The following CCDC171 variants were observed in gnomAD, a reference collection of about 807,000 sequenced individuals.
CCDC171 encodes the protein coiled-coil domain containing 171, also known as coiled-coil domain-containing protein 171.
A neutral mutation model predicts 168.2 loss-of-function variants in CCDC171; 177 were observed. That is an observed-to-expected ratio of 1.05 (90% CI 0.93 to 1.19). CCDC171 has a LOEUF of 1.19. CCDC171 is among the 50% of genes most tolerant of loss of function. CCDC171 has a pLI of 0.00. For synonymous variants in CCDC171, 687 were observed against 540.8 expected (o/e 1.27, Z -3.75); for missense variants, 1,991 against 1,539.0 (o/e 1.29, Z -4.91).
At position 15,591,351 on chromosome 9, in the gene CCDC171, T is replaced by C; in HGVS notation, c.353-15T>C. 1 of 1,526,780 alleles carries C rather than the reference T, an allele frequency of 6.5e-7. No homozygotes were observed. The highest frequency in any genetic ancestry group is 8.9e-7 in the Non-Finnish European group (1 of 1,121,572). 94.6% of individuals were successfully genotyped at this position (1,526,780 alleles called of 1,614,324 possible). ...TTCATGGTTGTAAATGTACCTATTA[T>C]TCTATTCTTAATAGCACAGAATTCA... On this transcript the variant is annotated splice_polypyrimidine_tract_variant and intron_variant, in intron 4 of 25. Transcript: ENST00000380701.
chr9:15,643,106 G>A lies in CCDC171; in HGVS notation c.823-14021G>A, dbSNP rs181127474. Among the ~76,000 whole-genome samples, 12 of 152,050 alleles carry A rather than the reference G, an allele frequency of 7.9e-5. No homozygotes were observed. The East Asian group carries it at 2.3e-3, about 29-fold the overall frequency. ...TCCATAGGTTTTTGGGAAACAGGAG[G>A]TGTTTGGTTACATGAGTAAGTTCTT... On this transcript the variant is annotated intron_variant, in intron 7 of 25. Transcript: ENST00000380701.
At chr9:15,976,355 C>G (rs1321168960), downstream of CCDC171, among the ~76,000 whole-genome samples, 2 of 152,128 alleles carry the variant, frequency 1.3e-5, no homozygotes, top group East Asian at 3.9e-4. Flanking sequence ...TTTTCGGTTT[C>G]CATTTTATAT....
intron 3 of CCDC171, among the ~76,000 whole-genome samples, chr9:16,008,727 C>CTA (rs1832777663): frequency 6.6e-6 from 1 of 152,194 alleles, no homozygotes; most frequent in South Asian, 2.1e-4. Context: ...ACAGCTAAGA[C>CTA]TATACAGTAA....
chr9:15,623,157 A>C, intron 6 of CCDC171, 110 bp from the exon 7 acceptor site: 1 of 661,126 alleles, frequency 1.5e-6, no homozygotes, highest in Non-Finnish European at 2.4e-6. Flanking sequence ...AAATTAACCT[A>C]TTATTATAGT....
chr9:15,883,108 A>G (rs1818922256), intron 24 of CCDC171: 1 of 395,694 alleles, frequency 2.5e-6, no homozygotes. Context: ...AGCTCACTGC[A>G]GTCTCAAATG....
chr9:15,668,691 CTG>C (rs1030253323), intron 9 of CCDC171, among the ~76,000 whole-genome samples: 8 of 152,146 alleles, frequency 5.3e-5, no homozygotes, highest in African/African-American at 1.9e-4. Flanking sequence ...TCCCTACTAT[CTG>C]TAGTATAAGA....
At chr9:15,623,477 A>ACGCGCGCGCGCGCGCG in intron 7 of CCDC171, 64 bp downstream of exon 7, 1 of 319,970 alleles carries the variant, frequency 3.1e-6, no homozygotes, top group Non-Finnish European at 5.1e-6. Context: ...GCGCGCGCGC[A>ACGCGCGCGCGCGCGCG]CACACACACA....
chr9:15,633,362 G>A (rs764670688), intron 7 of CCDC171, among the ~76,000 whole-genome samples: 1 of 152,156 alleles, frequency 6.6e-6, no homozygotes, highest in African/African-American at 2.4e-5. Context: ...ACGGGGCAAA[G>A]GACATGAACA....
At chr9:15,704,096 C>CA (rs1218658780) in intron 11 of CCDC171, among the ~76,000 whole-genome samples, 2 of 152,150 alleles carry the variant, frequency 1.3e-5, no homozygotes, top group African/African-American at 4.8e-5. Flanking sequence ...GTAAAAATCG[C>CA]AATACCTGTG....
In CCDC171 at chr9:15,628,775, A is replaced by G. The variant is rs191480675; in HGVS notation, c.822+5362A>G. ...ACCCTGAGCAGCCTAACTGGGAGGCACCCCCCAGTAGAGGCAGACTGACAC... is the reference window on the plus strand; with the variant it reads ...ACCCTGAGCAGCCTAACTGGGAGGCGCCCCCCAGTAGAGGCAGACTGACAC... On this transcript the variant is annotated intron_variant, in intron 7 of 25. Coordinates refer to ENST00000380701, the MANE Select transcript of CCDC171 (RefSeq NM_173550.4). Among the ~76,000 whole-genome samples the G allele has an allele frequency of 2.6e-4, 40 of 152,106 alleles. No individual in the cohort carries two copies. The East Asian group carries it at 7.7e-3, about 29-fold the overall frequency.
the CCDC171 span, among the ~76,000 whole-genome samples, chr9:16,073,577 G>A: frequency 6.6e-6 from 1 of 152,100 alleles, no homozygotes; most frequent in African/African-American, 2.4e-5. Context: ...TTCCTGAAGT[G>A]CCAAGAATAT....
intron 21 of CCDC171, among the ~76,000 whole-genome samples, chr9:15,792,653 A>G (rs996451493): frequency 2.0e-5 from 3 of 152,280 alleles, no homozygotes; most frequent in Non-Finnish European, 4.4e-5. Context: ...GCCAGAAGAG[A>G]GTGGGGGCCA....
At chr9:15,577,001 T>G (rs2040723953) in intron 3 of CCDC171, among the ~76,000 whole-genome samples, 1 of 152,154 alleles carries the variant, frequency 6.6e-6, no homozygotes, top group Non-Finnish European at 1.5e-5. Context: ...GTAAGGAATG[T>G]TCAGTGGGGA....
chr9:15,620,408 G>C (rs1226855774), intron 6 of CCDC171, among the ~76,000 whole-genome samples: 1 of 152,098 alleles, frequency 6.6e-6, no homozygotes, highest in Non-Finnish European at 1.5e-5. Flanking sequence ...TTGGGGGTGG[G>C]GGCAGGTTTA....
At chr9:15,696,435 A>G (rs1028881436) in intron 11 of CCDC171, among the ~76,000 whole-genome samples, 3 of 152,210 alleles carry the variant, frequency 2.0e-5, no homozygotes, top group African/African-American at 7.2e-5. Flanking sequence ...CAAAAGCATT[A>G]CTGTATCATA....
downstream of CCDC171, among the ~76,000 whole-genome samples, chr9:16,065,809 G>GGGGT (rs1554717490): frequency 3.5e-5 from 5 of 144,234 alleles, no homozygotes; most frequent in African/African-American, 1.3e-4. Context: ...TTGTGTGCAT[G>GGGGT]GTGTGTGTGT....
At chr9:15,960,618 A>G (rs1163906530) in intron 25 of CCDC171, among the ~76,000 whole-genome samples, 5 of 152,184 alleles carry the variant, frequency 3.3e-5, no homozygotes, top group Non-Finnish European at 7.4e-5. Context: ...TGATGTGGTT[A>G]TATCAGAAAT....
intron 24 of CCDC171, among the ~76,000 whole-genome samples, chr9:15,914,801 G>A (rs1824261333): frequency 6.6e-6 from 1 of 152,156 alleles, no homozygotes; most frequent in African/African-American, 2.4e-5. Flanking sequence ...GAATCTCCTG[G>A]TCTGGGTTGT....
chr9:15,830,008 A>G (rs993024368), intron 21 of CCDC171, among the ~76,000 whole-genome samples: 1 of 152,160 alleles, frequency 6.6e-6, no homozygotes, highest in Non-Finnish European at 1.5e-5. Context: ...GAGATTACTA[A>G]TGATAATCTG....
Sources: allele counts gnomAD v4.1 joint callset (sites outside exome capture counted in the v4.1 genomes callset), GRCh38; gene constraint gnomAD v4.1.1; transcripts MANE v1.5; gene names NCBI Gene and HGNC (gene_info 2026-07-23, HGNC 2026-07-21).